Variants in SOX5 observed in about 807,000 individuals in gnomAD.
SOX5 encodes SRY-box transcription factor 5, also known as transcription factor SOX-5.
SOX5 carries 9 observed loss-of-function variants against 92.0 expected under a neutral mutation model. That is an observed-to-expected ratio of 0.10 (90% CI 0.06 to 0.17). The LOEUF (loss-of-function observed/expected upper bound fraction) is 0.17, where lower values mean the gene tolerates loss of function less well. Ranked by LOEUF, SOX5 falls within the 10% of genes least tolerant of loss-of-function variation. The probability of loss-of-function intolerance (pLI) is 1.00; values close to 1 mark genes in which losing one functional copy is unlikely to be tolerated. For missense variants in SOX5, 642 were observed against 944.5 expected (o/e 0.68, Z 4.20); for synonymous variants, 344 against 336.3 (o/e 1.02, Z -0.25).
intron 1 of SOX5, among the ~76,000 whole-genome samples, chr12:24,414,533 G>A (rs12314996): frequency 0.019 from 2,883 of 152,232 alleles, 80 homozygotes; most frequent in African/African-American, 0.06. Flanking sequence ...TTCCATTCCA[G>A]CCCCGTGTAC....
chr12:23,755,572 A>G (rs898892821), intron 4 of SOX5, 66 bp downstream of exon 4: 2 of 1,134,064 alleles, frequency 1.8e-6, no homozygotes, highest in East Asian at 2.5e-5. Context: ...CTTTATCACC[A>G]TTACTATTTC....
At chr12:23,568,806 C>T in intron 10 of SOX5, among the ~76,000 whole-genome samples, 1 of 151,944 alleles carries the variant, frequency 6.6e-6, no homozygotes, top group East Asian at 1.9e-4. Context: ...ATGCCTTGGC[C>T]TCCTAACTGG....
chr12:24,397,669 G>GA (rs930459417), intron 1 of SOX5, among the ~76,000 whole-genome samples: 19 of 146,712 alleles, frequency 1.3e-4, no homozygotes, highest in African/African-American at 2.5e-4. Flanking sequence ...CATTTGCTAT[G>GA]AAAAAAAAAA....
intron 2 of SOX5, among the ~76,000 whole-genome samples, chr12:24,316,696 C>A (rs781594277): frequency 6.6e-6 from 1 of 152,034 alleles, no homozygotes; most frequent in Non-Finnish European, 1.5e-5. Flanking sequence ...TTCCACATGT[C>A]GTTTCAAAAT....
chr12:24,302,391 G>A (rs1476966880), intron 2 of SOX5, among the ~76,000 whole-genome samples: 2 of 152,164 alleles, frequency 1.3e-5, no homozygotes, highest in Non-Finnish European at 2.9e-5. Flanking sequence ...CCACGGGGAA[G>A]GGTTCTATAC....
intron 4 of SOX5, among the ~76,000 whole-genome samples, chr12:24,007,964 A>C (rs1463869175): frequency 6.6e-6 from 1 of 151,566 alleles, no homozygotes; most frequent in Non-Finnish European, 1.5e-5. Context: ...AGCCTTCCTA[A>C]TTAAATTTAA....
At chr12:24,505,646 C>A (rs1331741744) in intron 1 of SOX5, among the ~76,000 whole-genome samples, 1 of 152,216 alleles carries the variant, frequency 6.6e-6, no homozygotes, top group Non-Finnish European at 1.5e-5. Context: ...CTGAGGCAAT[C>A]AACCAGCCAA....
intron 1 of SOX5, among the ~76,000 whole-genome samples, chr12:24,372,993 C>T (rs1956897978): frequency 6.7e-6 from 1 of 149,870 alleles, no homozygotes; most frequent in Admixed American, 6.6e-5. Context: ...CGGCACAGGC[C>T]TGTGGTCCCA....
At chr12:24,136,049 T>C (rs1391324547) in intron 4 of SOX5, among the ~76,000 whole-genome samples, 3 of 152,186 alleles carry the variant, frequency 2.0e-5, no homozygotes, top group Non-Finnish European at 2.9e-5. Context: ...AGAAGTCTAT[T>C]TTAAATAGTC....
chr12:24,090,758 T>A (rs1351007816), intron 4 of SOX5, among the ~76,000 whole-genome samples: 2 of 152,212 alleles, frequency 1.3e-5, no homozygotes, highest in African/African-American at 4.8e-5. Context: ...TGACACAATG[T>A]AGGCATCCTG....
chr12:23,753,705 C>T (rs11047082), intron 4 of SOX5, among the ~76,000 whole-genome samples: 3,470 of 151,826 alleles, frequency 0.023, 124 homozygotes, highest in African/African-American at 0.079. Context: ...ACTTCTGAAG[C>T]GGCAGGAAAA....
intron 1 of SOX5, among the ~76,000 whole-genome samples, chr12:23,929,841 A>G (rs2139158276): frequency 6.6e-6 from 1 of 152,066 alleles, no homozygotes; most frequent in South Asian, 2.1e-4. Flanking sequence ...TTTTGCAGTT[A>G]AAAAACAGCA....
chr12:23,662,196 T>C (rs1013887951), intron 7 of SOX5, among the ~76,000 whole-genome samples: 49 of 152,104 alleles, frequency 3.2e-4, no homozygotes, highest in African/African-American at 1.1e-3. Flanking sequence ...AAGGATTTGA[T>C]TCAAGAACAC....
At chr12:24,487,415 C>T (rs950802679) in intron 1 of SOX5, among the ~76,000 whole-genome samples, 1 of 152,110 alleles carries the variant, frequency 6.6e-6, no homozygotes, top group African/African-American at 2.4e-5. Context: ...ATCATCAATG[C>T]TTCTTTTATA....
At chr12:23,959,672 C>T (rs1946675299) in intron 4 of SOX5, among the ~76,000 whole-genome samples, 1 of 152,016 alleles carries the variant, frequency 6.6e-6, no homozygotes, top group African/African-American at 2.4e-5. Context: ...CTATAAAGAG[C>T]TCTTTGAAAT....
chr12:24,401,427 T>C (rs1184776356), intron 1 of SOX5, among the ~76,000 whole-genome samples: 1 of 151,856 alleles, frequency 6.6e-6, no homozygotes, highest in Non-Finnish European at 1.5e-5. Context: ...AAATTTGTAC[T>C]GGCCAGGTTT....
intron 3 of SOX5, among the ~76,000 whole-genome samples, chr12:24,239,505 C>T (rs77070684): frequency 0.12 from 18,946 of 152,190 alleles, 1,541 homozygotes; most frequent in Non-Finnish European, 0.17. Flanking sequence ...AACCAGAAAT[C>T]ACCAGCGTGG....
At chr12:24,388,491 T>C (rs1477649845) in intron 1 of SOX5, among the ~76,000 whole-genome samples, 2 of 152,118 alleles carry the variant, frequency 1.3e-5, no homozygotes, top group Admixed American at 1.3e-4. Context: ...GCCTCTCCAA[T>C]ACAGTGCTTT....
Position 24,292,866 on chromosome 12 carries a change from G to A in SOX5, c.-173-15554C>T, listed in dbSNP as rs116482874. Among the ~76,000 whole-genome samples the A allele has an allele frequency of 4.1e-3, 625 of 152,200 alleles. 7 individuals carry two copies. The highest frequency in any genetic ancestry group is 0.014 in the African/African-American group (573 of 41,506). ...AAACGCAGTCGCTCTTCCACTACCC[G>A]CGTACTTCAAGTTTCTCATGACATG... is the stretch of plus-strand genomic sequence containing the variant. On this transcript the variant is annotated intron_variant, in intron 2 of 4. Coordinates refer to the SOX5 transcript ENST00000446891.
Sources: gnomAD v4.1 joint callset for allele counts (sites outside exome capture counted in the v4.1 genomes callset) on GRCh38, gnomAD v4.1.1 for gene constraint, MANE v1.5 for transcripts, NCBI Gene and HGNC (gene_info 2026-07-23, HGNC 2026-07-21) for gene names.